MIA2: variants seen among roughly 807,000 people sequenced by gnomAD.
MIA2 encodes melanoma inhibitory activity protein 2.
In MIA2, 127 loss-of-function variants were observed where a neutral mutation model predicts 167.8. The observed-to-expected ratio is 0.76, with a 90% CI of 0.66 to 0.88. The LOEUF is 0.88. Among genes scored for constraint, MIA2 ranks in the 40% least tolerant of loss-of-function variants. The pLI is 0.00. For synonymous variants in MIA2, 552 were observed against 541.9 expected, an observed-to-expected ratio of 1.02 and a Z score of -0.26; for missense variants, 1,690 against 1,624.7, an observed-to-expected ratio of 1.04 and a Z score of -0.69.
intron 25 of MIA2, among the ~76,000 whole-genome samples, chr14:39,341,621 A>G (rs1488549069): frequency 3.3e-5 from 5 of 152,164 alleles, no homozygotes; most frequent in African/African-American, 1.2e-4. Context: ...TGGCAAGATC[A>G]TCAGCTGAAG....
Position 39,247,243 on chromosome 14 carries a change from C to A in MIA2, c.669C>A (p.Val223=). ...HVPPSSAVSG[V]KEWFGLGGEQ... ...CACCATCTTCAGCTGTGTCTGGAGT[C>A]AAAGAATGGTTTGGATTGGGAGGAG... The change falls in exon 4 of 29, where the codon GTC becomes GTA. Residue 223 remains valine (V), a synonymous_variant. Transcript: ENST00000640607. The A allele has an allele frequency of 1.2e-6, 2 of 1,613,922 alleles. No individual in the cohort carries two copies. The highest frequency in any genetic ancestry group is 1.1e-5 in the South Asian group (1 of 91,032).
chr14:39,253,001 A>G (rs565789239), intron 5 of MIA2, 35 bp downstream of exon 5: 12 of 1,562,494 alleles, frequency 7.7e-6, no homozygotes, highest in East Asian at 4.6e-5. Flanking sequence ...TAATGCATCA[A>G]TTAAGGAAGA....
At chr14:39,269,102 T>TAA in intron 6 of MIA2, 1 of 888,760 alleles carries the variant, frequency 1.1e-6, no homozygotes, top group Non-Finnish European at 1.3e-6. Flanking sequence ...TTTTTTTTGC[T>TAA]AAATGCGAGT....
In MIA2 at chr14:39,247,743, C is replaced by A; in HGVS notation, c.1169C>A (p.Ala390Asp). The stretch of plus-strand genomic sequence containing the variant: ...TTTGCTATACTAGGCTTTGCATATG[C>A]CAAGGAAGATAAAATTATGTTAGAT... ...FGFAILGFAY[A>D]KEDKIMLDDR... Residue 390 changes from alanine to aspartate, a missense_variant, in exon 4 of 29, where the codon GCC becomes GAC. Transcript: ENST00000640607. The A allele has an allele frequency of 1.2e-6, 2 of 1,613,204 alleles. No individual in the cohort carries two copies. The highest frequency in any genetic ancestry group is 4.5e-5 in the East Asian group (2 of 44,850).
At chr14:39,356,635 G>A (rs1159563076) in intron 23 of MIA2, among the ~76,000 whole-genome samples, 1 of 152,026 alleles carries the variant, frequency 6.6e-6, no homozygotes, top group Non-Finnish European at 1.5e-5. Flanking sequence ...TCTTTTAATT[G>A]TGATATTAGG....
chr14:39,252,708 A>G (rs1594687569), intron 4 of MIA2, 40 bp from the exon 5 acceptor site: 2 of 1,500,566 alleles, frequency 1.3e-6, no homozygotes, highest in East Asian at 2.3e-5. Flanking sequence ...CAACAAAGCA[A>G]GTATTTTGGA....
chr14:39,254,184 T>G lies in MIA2; in HGVS notation c.1887+1013T>G, dbSNP rs1027700000. Among the ~76,000 whole-genome samples, 7 of 151,646 alleles carry G rather than the reference T, an allele frequency of 4.6e-5. No individual in the cohort carries two copies. In the South Asian group the frequency reaches 1.5e-3, roughly 32 times the overall value. ...ATTTGAGCTGATTTTGAAGGAAGAG[T>G]AGGAGTTAGCCAGACAAAGAAAGGA... is the stretch of plus-strand genomic sequence containing the variant. On this transcript the variant is annotated intron_variant, in intron 6 of 28. Transcript: ENST00000640607.
intron 26 of MIA2, among the ~76,000 whole-genome samples, chr14:39,347,180 C>T (rs1346588274): frequency 2.6e-5 from 4 of 152,106 alleles, no homozygotes; most frequent in Non-Finnish European, 4.4e-5. Flanking sequence ...TCAGAAGCAT[C>T]AGTGACTTCC....
chr14:39,278,710 T>C (rs545228424), intron 7 of MIA2, among the ~76,000 whole-genome samples: 4 of 152,364 alleles, frequency 2.6e-5, no homozygotes, highest in Admixed American at 6.5e-5. Context: ...TCAAGGGATA[T>C]GATAATAGGG....
intron 22 of MIA2, 97 bp from the exon 23 acceptor site, chr14:39,319,112 A>G (rs2152961729): frequency 1.8e-6 from 1 of 558,822 alleles, no homozygotes; most frequent in South Asian, 3.5e-5. Flanking sequence ...TGTAGATATT[A>G]AAATAGTGAA....
intron 25 of MIA2, among the ~76,000 whole-genome samples, chr14:39,335,616 C>CT (rs2070202613): frequency 6.6e-6 from 1 of 152,054 alleles, no homozygotes; most frequent in African/African-American, 2.4e-5. Flanking sequence ...ATAATGTTAT[C>CT]TTTTATTTGA....
chr14:39,287,875 C>T (rs549044439), intron 9 of MIA2, among the ~76,000 whole-genome samples: 23 of 152,090 alleles, frequency 1.5e-4, no homozygotes, highest in Non-Finnish European at 2.1e-4. Flanking sequence ...GACAAGGTCT[C>T]GCTTTGTTGC....
Position 39,299,991 on chromosome 14 carries a change from A to C in MIA2, c.2619+5A>C, listed in dbSNP as rs2062130484. On this transcript the variant is annotated splice_donor_5th_base_variant and intron_variant, in intron 14 of 28. Transcript: ENST00000640607. ...GATAAAGAAAGTCACATCAAGGTAA[A>C]TGGCTCTACTGGTTTTAGTGATCAA... 1 of 1,588,652 alleles carries C rather than the reference A, an allele frequency of 6.3e-7. No homozygotes were observed. The highest frequency in any genetic ancestry group is 8.5e-7 in the Non-Finnish European group (1 of 1,171,438).
chr14:39,286,253 G>C (rs1432159978), intron 9 of MIA2, among the ~76,000 whole-genome samples: 1 of 152,234 alleles, frequency 6.6e-6, no homozygotes, highest in Non-Finnish European at 1.5e-5. Context: ...GACCAGCCCG[G>C]CCAACACAGT....
chr14:39,307,503 G>A (rs1045930320), intron 17 of MIA2, among the ~76,000 whole-genome samples: 5 of 140,122 alleles, frequency 3.6e-5, no homozygotes, highest in African/African-American at 1.3e-4. Context: ...CTAGGTTCAA[G>A]CAATTCTCCT....
chr14:39,261,711 G>A (rs1594738239), intron 6 of MIA2, among the ~76,000 whole-genome samples: 2 of 152,194 alleles, frequency 1.3e-5, no homozygotes, highest in Admixed American at 6.5e-5. Context: ...ATCTCATTGT[G>A]GTTTTGATTT....
intron 7 of MIA2, among the ~76,000 whole-genome samples, chr14:39,277,672 T>TTATATATATATATATGTGTGTATATA (rs2058214336): frequency 3.3e-5 from 1 of 30,168 alleles, no homozygotes; most frequent in Non-Finnish European, 7.2e-5. Flanking sequence ...GTAAGATCTT[T>TTATATATATATATATGTGTGTATATA]TATATATATA....
chr14:39,348,021 G>A (rs2073773123), intron 27 of MIA2, among the ~76,000 whole-genome samples: 2 of 151,732 alleles, frequency 1.3e-5, no homozygotes, highest in South Asian at 2.1e-4. Context: ...CCCTGTTGGC[G>A]AGGCTGGTCT....
intron 6 of MIA2, among the ~76,000 whole-genome samples, chr14:39,261,452 G>A (rs1366386214): frequency 1.3e-5 from 2 of 152,132 alleles, no homozygotes; most frequent in African/African-American, 2.4e-5. Context: ...ATAAACATAC[G>A]TGTGCAGGTG....
Sources: allele counts gnomAD v4.1 joint callset (sites outside exome capture counted in the v4.1 genomes callset), GRCh38; gene constraint gnomAD v4.1.1; transcripts MANE v1.5; gene names NCBI Gene and HGNC (gene_info 2026-07-23, HGNC 2026-07-21).